ASB10: variants seen among roughly 807,000 people sequenced by gnomAD.
The protein encoded by ASB10 is ankyrin repeat and SOCS box containing 10.
In ASB10, 44 loss-of-function variants were observed where a neutral mutation model predicts 35.4. That is an observed-to-expected ratio of 1.24 (90% confidence interval 0.98 to 1.60). The LOEUF (loss-of-function observed/expected upper bound fraction) is 1.60. Among genes scored for constraint, ASB10 ranks in the 40% most tolerant of loss-of-function variants. The probability of loss-of-function intolerance (pLI) is 0.00; values close to 1 mark genes in which losing one functional copy is unlikely to be tolerated. For missense variants in ASB10, 647 were observed against 634.3 expected (o/e 1.02, Z -0.22); for synonymous variants, 294 against 280.4 (o/e 1.05, Z -0.49).
In ASB10 at chr7:151,187,220, A is replaced by G; in HGVS notation, c.-90T>C. On this transcript the variant is annotated 5_prime_UTR_variant, in exon 1 of 6. Transcript: ENST00000420175. The surrounding 1 kb of genome is among the most constrained non-coding windows in gnomAD (Gnocchi z 5.3). ...GAGCAGGAGGGAAATACAGACAGACAGAAGGCCCCTGTGTCCCACGCTCCG... is the reference window on the plus strand; with the variant it reads ...GAGCAGGAGGGAAATACAGACAGACGGAAGGCCCCTGTGTCCCACGCTCCG... 1 of 1,540,372 alleles carries G rather than the reference A, an allele frequency of 6.5e-7. No homozygotes were observed. Among genetic ancestry groups the G allele is most frequent in the Non-Finnish European group, 8.8e-7 (1 of 1,141,258 alleles).
In ASB10 at chr7:151,176,641, G is replaced by C. The variant is rs564809133; in HGVS notation, c.1140C>G (p.Ile380Met). The C allele has an allele frequency of 5.7e-5, 89 of 1,551,340 alleles. No individual in the cohort carries two copies. Among genetic ancestry groups the C allele is most frequent in the African/African-American group, 2.1e-4 (15 of 73,016 alleles). Residue 380 changes from isoleucine (I) to methionine (M), a missense_variant, in exon 4 of 6, where the codon ATC becomes ATG. By Grantham distance (10) the Ile-to-Met change is conservative. Coordinates refer to ENST00000420175, the MANE Select transcript of ASB10 (RefSeq NM_001142459.2). ...LERWSTCPRT[I>M]EVLMNTYSVV... ...CACTGTAGGTGTTCATCAGGACCTC[G>C]ATGGTCCGAGGGCACGTGCTCCAGC...
At chr7:151,185,662 TAG>T (rs1454954708) in intron 2 of ASB10, among the ~76,000 whole-genome samples, 1 of 152,180 alleles carries the variant, frequency 6.6e-6, no homozygotes, top group Non-Finnish European at 1.5e-5. Context: ...GTGCAGTCAG[TAG>T]AGAGAGGGCC....
At chr7:151,179,773 C>G (rs535045420) in intron 3 of ASB10, among the ~76,000 whole-genome samples, 2 of 152,178 alleles carry the variant, frequency 1.3e-5, no homozygotes, top group South Asian at 2.1e-4. Context: ...GAAACCCTTT[C>G]GCTGCGCCGG....
At position 151,181,164 on chromosome 7, in the gene ASB10, G is replaced by T. The variant is rs758897216; in HGVS notation, c.879C>A (p.Asp293Glu). 23 of 1,610,964 alleles carry T rather than the reference G, an allele frequency of 1.4e-5. No individual in the cohort carries two copies. Among genetic ancestry groups the T allele is most frequent in the Non-Finnish European group, 1.9e-5 (22 of 1,178,652 alleles). The change falls in exon 3 of 6, where the codon GAC becomes GAA. Residue 293 changes from aspartate (D) to glutamate (E), a missense_variant. Physicochemically the swap from Asp to Glu is conservative, Grantham distance 45 (BLOSUM62 2). Transcript: ENST00000420175. Reference protein sequence around the residue: ...AGADADAADQDKQRPLHLACR... With the variant: ...AGADADAADQEKQRPLHLACR... The stretch of plus-strand genomic sequence containing the variant: ...AGGCCAGGTGCAGGGGTCGCTGCTT[G>T]TCCTGGTCCGCAGCATCAGCGTCTG...
intron 3 of ASB10, among the ~76,000 whole-genome samples, chr7:151,178,762 T>G (rs1179457767): frequency 6.6e-6 from 1 of 152,194 alleles, no homozygotes; most frequent in Non-Finnish European, 1.5e-5. Context: ...CTGGGGCCTC[T>G]GCTTCTAGCC....
intron 2 of ASB10, among the ~76,000 whole-genome samples, chr7:151,185,569 CAAG>C (rs760287635): frequency 5.3e-5 from 8 of 152,056 alleles, no homozygotes; most frequent in East Asian, 1.9e-4. Context: ...ATGAGATTAA[CAAG>C]AAGGAGAGGG....
Position 151,181,376 on chromosome 7 carries a change from C to A in ASB10, c.667G>T (p.Ala223Ser). 3.7e-6 allele frequency: 6 copies of A among 1,612,902 alleles called. No homozygotes were observed. Among genetic ancestry groups the A allele is most frequent in the Non-Finnish European group, 5.1e-6 (6 of 1,179,870 alleles). The change falls in exon 3 of 6, where the codon GCC becomes TCC. Residue 223 changes from alanine (A) to serine (S), a missense_variant. Coordinates refer to ENST00000420175, the MANE Select transcript of ASB10 (RefSeq NM_001142459.2). Reference sequence around the variant, plus strand: ...GCCAGCTCCACATGGCCAAGCCGGGCGGCCACATGCAAAGGGGTCTCCTCT... The same window carrying A: ...GCCAGCTCCACATGGCCAAGCCGGGAGGCCACATGCAAAGGGGTCTCCTCT... Reference protein sequence around the residue: ...EEEETPLHVAARLGHVELADL... With the variant: ...EEEETPLHVASRLGHVELADL...
In ASB10 at chr7:151,176,092, T is replaced by G. The variant is rs750963428; in HGVS notation, c.*20A>C. On this transcript the variant is annotated intron_variant, in intron 5 of 5. Coordinates refer to ENST00000420175, the MANE Select transcript of ASB10 (RefSeq NM_001142459.2). ...CTGGACCCCAAGCAGCTGTGACTGC[T>G]CACAGATCCCGGGGCTCACCTAGTA... The G allele has an allele frequency of 6.2e-5, 100 of 1,608,720 alleles. No homozygotes were observed. The highest frequency in any genetic ancestry group is 8.5e-5 in the Non-Finnish European group (100 of 1,178,756).
At chr7:151,184,615 T>G (rs1445544375) in intron 2 of ASB10, among the ~76,000 whole-genome samples, 2 of 152,008 alleles carry the variant, frequency 1.3e-5, no homozygotes, top group Non-Finnish European at 2.9e-5. Flanking sequence ...GTGGTTAGTG[T>G]TTGATGGGGT....
At chr7:151,176,024 G>T in intron 5 of ASB10, 58 bp from the exon 6 acceptor site, 1 of 1,480,748 alleles carries the variant, frequency 6.8e-7, no homozygotes, top group Non-Finnish European at 9.1e-7. Context: ...GGCCGGTTCT[G>T]GCTAGGGCCC....
At chr7:151,184,915 G>T (rs553446294) in intron 2 of ASB10, among the ~76,000 whole-genome samples, 19 of 151,812 alleles carry the variant, frequency 1.3e-4, no homozygotes, top group African/African-American at 4.1e-4. Context: ...CCAGCTACTC[G>T]CGAGGCTGAG....
intron 2 of ASB10, 148 bp downstream of exon 2, chr7:151,186,244 T>C: frequency 9.9e-7 from 1 of 1,009,380 alleles, no homozygotes; most frequent in Middle Eastern, 3.3e-4. Context: ...AACGGGTGGA[T>C]GGCTTGGGAA....
intron 3 of ASB10, among the ~76,000 whole-genome samples, chr7:151,178,684 G>T (rs1387153618): frequency 6.6e-6 from 1 of 152,222 alleles, no homozygotes; most frequent in Non-Finnish European, 1.5e-5. Flanking sequence ...TCAGACGAGA[G>T]TACCAATGAG....
Position 151,187,201 on chromosome 7 carries a change from G to A in ASB10, c.-71C>T, listed in dbSNP as rs1563578665. On this transcript the variant is annotated 5_prime_UTR_variant, in exon 1 of 6. Transcript: ENST00000420175. The surrounding 1 kb of genome is among the most constrained non-coding windows in gnomAD (Gnocchi z 5.3). ...AGGCAGAGAGAGAGAGAGAGAGCAGGAGGGAAATACAGACAGACAGAAGGC... is the reference window on the plus strand; with the variant it reads ...AGGCAGAGAGAGAGAGAGAGAGCAGAAGGGAAATACAGACAGACAGAAGGC... 1.3e-6 allele frequency: 2 copies of A among 1,541,920 alleles called. No individual in the cohort carries two copies. Among genetic ancestry groups the A allele is most frequent in the Non-Finnish European group, 1.8e-6 (2 of 1,142,038 alleles).
Position 151,176,220 on chromosome 7 carries a change from C to T in ASB10, c.1296G>A (p.Ala432=), listed in dbSNP as rs781143360. The change falls in exon 5 of 6, where the codon GCG becomes GCA. Residue 432 remains alanine (A), a synonymous_variant. Coordinates refer to ENST00000420175, the MANE Select transcript of ASB10 (RefSeq NM_001142459.2). ...PRSLQHLSRC[A]LRSHLEGSLP... is the part of the protein sequence containing the mutation. ...GGCTGCCCTCCAGGTGGGAGCGGAG[C>T]GCACAGCGGCTCAAATGCTGCAGCG... The T allele has an allele frequency of 1.2e-5, 19 of 1,604,912 alleles. No homozygotes were observed. Among genetic ancestry groups the T allele is most frequent in the Middle Eastern group, 1.9e-4 (1 of 5,382 alleles).
rs756371340 is a variant in ASB10 at position 151,181,461 on chromosome 7, A to AT, written c.585-4dup. ...ACCTGAGGAGCAGCTCCGCACACCT[A>AT]TTGGGGGGAGACGGTGGTGGGGAGG... On this transcript the variant is annotated splice_polypyrimidine_tract_variant and splice_region_variant and intron_variant, in intron 2 of 5. Coordinates refer to ENST00000420175, the MANE Select transcript of ASB10 (RefSeq NM_001142459.2). 1 of 1,575,724 alleles carries AT rather than the reference A, an allele frequency of 6.3e-7. No homozygotes were observed. The highest frequency in any genetic ancestry group is 1.7e-5 in the Admixed American group (1 of 58,090).
intron 2 of ASB10, among the ~76,000 whole-genome samples, chr7:151,183,740 C>G (rs892305511): frequency 1.2e-4 from 19 of 152,164 alleles, no homozygotes; most frequent in African/African-American, 4.6e-4. Flanking sequence ...TGCCCGCCAC[C>G]ATGTCCAGCT....
At chr7:151,185,443 G>T (rs1801571741) in intron 2 of ASB10, among the ~76,000 whole-genome samples, 1 of 152,052 alleles carries the variant, frequency 6.6e-6, no homozygotes, top group South Asian at 2.1e-4. Flanking sequence ...TTATAGGGCT[G>T]CTAGAACACT....
chr7:151,177,039 A>T (rs1467657704), intron 3 of ASB10, among the ~76,000 whole-genome samples: 5 of 152,364 alleles, frequency 3.3e-5, no homozygotes, highest in African/African-American at 1.2e-4. Flanking sequence ...TGGAAGCTAC[A>T]AGAGCACCAT....
Sources: gnomAD v4.1 joint callset for allele counts (sites outside exome capture counted in the v4.1 genomes callset) on GRCh38, gnomAD v4.1.1 for gene constraint, Gnocchi (gnomAD v3.1) non-coding constraint, MANE v1.5 for transcripts, NCBI Gene and HGNC (gene_info 2026-07-23, HGNC 2026-07-21) for gene names.